The following JAK2 variants were observed in gnomAD, a reference collection of about 807,000 sequenced individuals.
JAK2 encodes the protein tyrosine-protein kinase JAK2.
In JAK2, 86 loss-of-function variants were observed where a neutral mutation model predicts 139.3. The observed-to-expected ratio is 0.62, with a 90% CI of 0.52 to 0.74. The LOEUF (loss-of-function observed/expected upper bound fraction) is 0.74. Ranked by LOEUF, JAK2 falls within the 30% of genes least tolerant of loss-of-function variation. The probability of loss-of-function intolerance (pLI) is 0.00; values close to 1 mark genes in which losing one functional copy is unlikely to be tolerated. For missense variants in JAK2, 1,421 were observed against 1,360.3 expected (o/e 1.04, Z -0.70); for synonymous variants, 490 against 437.7 (o/e 1.12, Z -1.49).
chr9:5,101,233 C>T (rs1048015118), intron 22 of JAK2, among the ~76,000 whole-genome samples: 4 of 152,234 alleles, frequency 2.6e-5, no homozygotes, highest in African/African-American at 9.6e-5. Flanking sequence ...GATTATATCC[C>T]ATGTCTGGCT....
rs951182248 is a variant in JAK2, at chr9:5,057,819, G to A, written c.1056+2031G>A. Among the ~76,000 whole-genome samples the A allele has an allele frequency of 3.3e-5, 5 of 151,964 alleles. 1 individual carries two copies. Among genetic ancestry groups the A allele is most frequent in the Admixed American group, 2.6e-4 (4 of 15,262 alleles). ...GTTGGTCTTGAAGTCCTGACCTCAT[G>A]ATCCGCCTGCCTCATCCTCCCAAAG... On this transcript the variant is annotated intron_variant, in intron 8 of 24. Coordinates refer to ENST00000381652, the MANE Select transcript of JAK2 (RefSeq NM_004972.4).
chr9:5,120,294 C>G (rs1015629466), intron 22 of JAK2, among the ~76,000 whole-genome samples: 1 of 152,204 alleles, frequency 6.6e-6, no homozygotes, highest in Non-Finnish European at 1.5e-5. Flanking sequence ...GTAATCATCT[C>G]TTAAAGGCCC....
chr9:5,097,753 A>G (rs1821119802), intron 22 of JAK2: 1 of 152,188 alleles, frequency 6.6e-6, no homozygotes, highest in Non-Finnish European at 1.5e-5. Flanking sequence ...ATCACTAGAT[A>G]TTATTTTACA....
chr9:5,097,312 T>G (rs1037542430), intron 22 of JAK2: 17 of 152,200 alleles, frequency 1.1e-4, no homozygotes, highest in Non-Finnish European at 2.1e-4. Flanking sequence ...AACACTACTT[T>G]TTGACCCTGC....
At chr9:5,048,933 A>C in intron 5 of JAK2, among the ~76,000 whole-genome samples, 1 of 152,120 alleles carries the variant, frequency 6.6e-6, no homozygotes, top group South Asian at 2.1e-4. Flanking sequence ...AATTGGTATT[A>C]TGTTTAGAAT....
chr9:5,090,317 T>C, intron 20 of JAK2, 129 bp from the exon 21 acceptor site: 3 of 581,250 alleles, frequency 5.2e-6, no homozygotes, highest in African/African-American at 1.9e-5. Flanking sequence ...ATATCACCTT[T>C]AATGTATAAT....
intron 8 of JAK2, among the ~76,000 whole-genome samples, chr9:5,064,302 G>C (rs1260929350): frequency 6.6e-6 from 1 of 151,972 alleles, no homozygotes; most frequent in Non-Finnish European, 1.5e-5. Context: ...GACTGAGGTG[G>C]GTGGATCACT....
rs921037707 is a variant in JAK2 at position 5,127,607 on chromosome 9, G to A, written c.*816G>A. On this transcript the variant is annotated 3_prime_UTR_variant, in exon 25 of 25. Transcript: ENST00000381652. ...AATTTTTCTAAGACTACTATGAACA[G>A]TTTTCTTTTAAAATTTTGAGATTAA... 1 of 231,798 alleles carries A rather than the reference G, an allele frequency of 4.3e-6. No homozygotes were observed. Among genetic ancestry groups the A allele is most frequent in the African/African-American group, 2.2e-5 (1 of 45,256 alleles). 14.4% of individuals were successfully genotyped at this position (231,798 alleles called of 1,614,324 possible).
Position 5,114,469 on chromosome 9 carries a change from A to C in JAK2, c.3060-8535A>C, listed in dbSNP as rs143213177. 228 of 469,534 alleles carry C rather than the reference A, an allele frequency of 4.9e-4. 2 individuals carry two copies. Among genetic ancestry groups the C allele is most frequent in the African/African-American group, 3.8e-3 (193 of 50,564 alleles). 29.1% of individuals were successfully genotyped at this position (469,534 alleles called of 1,614,324 possible). On this transcript the variant is annotated intron_variant, in intron 22 of 24. Coordinates refer to ENST00000381652, the MANE Select transcript of JAK2 (RefSeq NM_004972.4). ...CACACCCACCTGCAGTCCACGACCA[A>C]GATCAGCGGCCCATGTGCTCCCCCA...
chr9:5,044,655 A>G (rs750232949), intron 5 of JAK2, 135 bp downstream of exon 5: 7 of 525,916 alleles, frequency 1.3e-5, no homozygotes, highest in Admixed American at 3.8e-5. Context: ...CAGAGAAGTA[A>G]CAAAATTGAG....
intron 22 of JAK2, among the ~76,000 whole-genome samples, chr9:5,096,229 T>C (rs575629629): frequency 6.6e-6 from 1 of 152,300 alleles, no homozygotes; most frequent in South Asian, 2.1e-4. Context: ...TACCTTCCTC[T>C]TACCCATCTC....
intron 22 of JAK2, among the ~76,000 whole-genome samples, chr9:5,122,361 T>C (rs1169571306): frequency 6.6e-6 from 1 of 152,086 alleles, no homozygotes; most frequent in African/African-American, 2.4e-5. Context: ...TAGTCACCCC[T>C]CTTCTGGTTA....
intron 22 of JAK2, chr9:5,100,616 T>C (rs1385917128): frequency 6.6e-6 from 1 of 152,244 alleles, no homozygotes; most frequent in Non-Finnish European, 1.5e-5. Flanking sequence ...CTCAAACGCT[T>C]AGAAGTACCT....
intron 2 of JAK2, among the ~76,000 whole-genome samples, chr9:4,996,674 TA>T (rs60446344): frequency 0.23 from 34,455 of 151,070 alleles, 4,388 homozygotes; most frequent in Middle Eastern, 0.36. Flanking sequence ...CCTGTCTTGT[TA>T]AAAAAAAATT....
chr9:5,028,802 C>G (rs1822950467), intron 3 of JAK2, among the ~76,000 whole-genome samples: 2 of 152,200 alleles, frequency 1.3e-5, no homozygotes, highest in Non-Finnish European at 2.9e-5. Context: ...CCTCACCTCT[C>G]TCAGCCTTCA....
chr9:4,984,697 A>AG (rs1819837515), upstream of JAK2: 1 of 152,206 alleles, frequency 6.6e-6, no homozygotes, highest in South Asian at 2.1e-4. Flanking sequence ...AGTGTGCGGG[A>AG]GGGGAGTCTC....
intron 4 of JAK2, among the ~76,000 whole-genome samples, chr9:5,033,750 TAGAA>T (rs1436909554): frequency 6.6e-6 from 1 of 151,940 alleles, no homozygotes; most frequent in African/African-American, 2.4e-5. Flanking sequence ...GCACTAAACA[TAGAA>T]AGGAACAACT....
At chr9:5,000,142 T>C (rs531513831) in intron 2 of JAK2, among the ~76,000 whole-genome samples, 49 of 152,324 alleles carry the variant, frequency 3.2e-4, no homozygotes, top group African/African-American at 1.1e-3. Context: ...CTTTGTAGTA[T>C]ATATTTTTTC....
chr9:5,036,734 T>G (rs1034279050), intron 4 of JAK2, among the ~76,000 whole-genome samples: 6 of 152,154 alleles, frequency 3.9e-5, no homozygotes, highest in African/African-American at 7.2e-5. Flanking sequence ...AAGACTTAAA[T>G]GTTAGACCTA....
Sources: gnomAD v4.1 joint callset for allele counts (sites outside exome capture counted in the v4.1 genomes callset) on GRCh38, gnomAD v4.1.1 for gene constraint, MANE v1.5 for transcripts, NCBI Gene and HGNC (gene_info 2026-07-23, HGNC 2026-07-21) for gene names.